Variants in HERC2 observed in about 807,000 individuals in gnomAD.
HERC2 encodes the protein E3 ubiquitin-protein ligase HERC2.
A neutral mutation model predicts 537.7 loss-of-function variants in HERC2; 102 were observed. The observed-to-expected ratio is 0.19, with a 90% CI of 0.16 to 0.22. The LOEUF (loss-of-function observed/expected upper bound fraction) is 0.22, where lower values mean the gene tolerates loss of function less well. HERC2 is among the 10% of genes least tolerant of loss of function. The pLI is 1.00. For missense variants in HERC2, 4,236 were observed against 6,198.2 expected (o/e 0.68, Z 10.63); for synonymous variants, 2,224 against 2,466.2 (o/e 0.90, Z 2.91).
intron 2 of HERC2, among the ~76,000 whole-genome samples, chr15:28,304,725 T>TTTA (rs1209553814): frequency 3.4e-5 from 5 of 145,486 alleles, no homozygotes; most frequent in African/African-American, 1.1e-4. Flanking sequence ...TTTTTTTTTT[T>TTTA]ATACTTTAAG....
In HERC2 at chr15:28,116,807, G is replaced by T. The variant is rs1435080148; in HGVS notation, c.13467C>A (p.Ile4489=). 6.2e-7 allele frequency: 1 copy of T among 1,613,766 alleles called. No homozygotes were observed. The highest frequency in any genetic ancestry group is 8.5e-7 in the Non-Finnish European group (1 of 1,180,022). Residue 4489 remains isoleucine (I), a synonymous_variant, in exon 88 of 93, where the codon ATC becomes ATA. Transcript: ENST00000261609. The part of the protein sequence containing the change: ...GGGYSESIAE[I]CEELQNGLTP... ...TGAGTCCGTTCTGCAGCTCCTCACA[G>T]ATCTCAGCTATGGACTCGCTGTAGC...
chr15:28,278,839 T>TGCCAGAAG lies in HERC2; in HGVS notation c.542+1228_542+1229insCTTCTGGC, dbSNP rs910738495. Among the ~76,000 whole-genome samples, 599 of 152,340 alleles carry TGCCAGAAG rather than the reference T, an allele frequency of 3.9e-3. 4 individuals carry two copies. Among genetic ancestry groups the TGCCAGAAG allele is most frequent in the African/African-American group, 0.014 (568 of 41,574 alleles). ...AAATATAAGTTTCATCTGGCAGTCT[T>TGCCAGAAG]GTAGTTTAACCTTCTGAGGACAAAA... On this transcript the variant is annotated intron_variant, in intron 5 of 92. Coordinates refer to ENST00000261609, the MANE Select transcript of HERC2 (RefSeq NM_004667.6).
intron 20 of HERC2, among the ~76,000 whole-genome samples, chr15:28,252,777 G>C (rs1448660129): frequency 6.6e-6 from 1 of 152,252 alleles, no homozygotes; most frequent in South Asian, 2.1e-4. Flanking sequence ...ATCAGAAAAA[G>C]GTTTTGCAAA....
chr15:28,239,137 T>C (rs1056349973), intron 23 of HERC2, among the ~76,000 whole-genome samples: 14 of 152,174 alleles, frequency 9.2e-5, no homozygotes, highest in African/African-American at 3.4e-4. Flanking sequence ...ATTTGAAAAT[T>C]ATAAAATACA....
chr15:28,313,192 A>ATT (rs57465951), intron 2 of HERC2, among the ~76,000 whole-genome samples: 3,966 of 94,468 alleles, frequency 0.042, 76 homozygotes, highest in East Asian at 0.19. Flanking sequence ...CAGTTAAGGC[A>ATT]TTTTTTTTTT....
intron 3 of HERC2, among the ~76,000 whole-genome samples, chr15:28,297,462 A>G (rs2141180278): frequency 6.6e-6 from 1 of 152,286 alleles, no homozygotes; most frequent in African/African-American, 2.4e-5. Flanking sequence ...TTGACATGGA[A>G]AAGAGATTTA....
At position 28,124,081 on chromosome 15, in the gene HERC2, C is replaced by T; in HGVS notation, c.13144G>A (p.Val4382Ile). 6.2e-7 allele frequency: 1 copy of T among 1,607,842 alleles called. No homozygotes were observed. The highest frequency in any genetic ancestry group is 8.5e-7 in the Non-Finnish European group (1 of 1,177,000). ...ATTCCTCGGAGAGTGTCGAACCCAACAGAAGGCCCGAGTCCAGTTTCGTCG... is the reference window on the plus strand; with the variant it reads ...ATTCCTCGGAGAGTGTCGAACCCAATAGAAGGCCCGAGTCCAGTTTCGTCG... ...SLDETGLGPS[V>I]GFDTLRGILI... Residue 4382 changes from valine (V) to isoleucine (I), a missense_variant, in exon 85 of 93, where the codon GTT (valine) becomes ATT (isoleucine). Around this residue, in one of 27 missense-constraint regions of HERC2, gnomAD observed 189 missense variants for 255.7 expected, o/e 0.74. Coordinates refer to ENST00000261609, the MANE Select transcript of HERC2 (RefSeq NM_004667.6).
chr15:28,289,259 T>C (rs2076245682), intron 4 of HERC2, among the ~76,000 whole-genome samples: 1 of 152,074 alleles, frequency 6.6e-6, no homozygotes, highest in Admixed American at 6.6e-5. Context: ...AAGCTAAACT[T>C]GGCAAACACA....
chr15:28,284,507 C>T (rs1596388214), intron 4 of HERC2, among the ~76,000 whole-genome samples: 1 of 151,566 alleles, frequency 6.6e-6, no homozygotes, highest in East Asian at 1.9e-4. Context: ...AAGAAAGTGA[C>T]TTCAAACAGG....
intron 4 of HERC2, among the ~76,000 whole-genome samples, chr15:28,281,138 C>T (rs900611583): frequency 6.6e-6 from 1 of 152,122 alleles, no homozygotes; most frequent in Admixed American, 6.6e-5. Flanking sequence ...AATACACATT[C>T]TAACTAGTGA....
intron 69 of HERC2, among the ~76,000 whole-genome samples, chr15:28,160,549 C>A (rs991096659): frequency 1.3e-5 from 2 of 152,250 alleles, no homozygotes; most frequent in African/African-American, 2.4e-5. Flanking sequence ...GAGATATAAT[C>A]TCCTGGTGTG....
At chr15:28,208,051 A>C (rs1275010175) in intron 44 of HERC2, among the ~76,000 whole-genome samples, 3 of 152,232 alleles carry the variant, frequency 2.0e-5, no homozygotes, top group African/African-American at 7.2e-5. Context: ...GCAGAACAGA[A>C]CAGCCAATCC....
At chr15:28,145,668 G>C (rs985886377) in intron 71 of HERC2, among the ~76,000 whole-genome samples, 1 of 152,124 alleles carries the variant, frequency 6.6e-6, no homozygotes, top group Non-Finnish European at 1.5e-5. Flanking sequence ...CCCTTTACAG[G>C]AAACACTCGA....
At chr15:28,303,934 G>A (rs1353913490) in intron 2 of HERC2, among the ~76,000 whole-genome samples, 2 of 152,164 alleles carry the variant, frequency 1.3e-5, no homozygotes, top group Non-Finnish European at 2.9e-5. Context: ...GGGAGGCCAA[G>A]GCAGGCGGAT....
Position 28,274,955 on chromosome 15 carries a change from C to A in HERC2, c.593G>T (p.Arg198Leu). The A allele has an allele frequency of 1.2e-6, 2 of 1,610,270 alleles. No individual in the cohort carries two copies. The highest frequency in any genetic ancestry group is 8.5e-7 in the Non-Finnish European group (1 of 1,179,984). The change falls in exon 6 of 93, where the codon CGA becomes CTA. Residue 198 changes from arginine (R) to leucine (L), a missense_variant. Around this residue, in one of 27 missense-constraint regions of HERC2, gnomAD observed 491 missense variants for 559.3 expected, o/e 0.88. Transcript: ENST00000261609. ...GVEGLARVGS[R>L]AALSFAFAFL... Reference sequence around the variant, plus strand: ...GGCAAAGGCAAAAGACAGCGCCGCTCGGGATCCCACTCTGGCGAGCCCCTC... The same window carrying A: ...GGCAAAGGCAAAAGACAGCGCCGCTAGGGATCCCACTCTGGCGAGCCCCTC...
chr15:28,166,788 G>A (rs906958846), intron 68 of HERC2, among the ~76,000 whole-genome samples: 2 of 152,138 alleles, frequency 1.3e-5, no homozygotes, highest in Non-Finnish European at 2.9e-5. Flanking sequence ...CCAGTCCACG[G>A]GAGTCCCAGT....
intron 78 of HERC2, among the ~76,000 whole-genome samples, chr15:28,139,158 A>T (rs563800808): frequency 2.0e-5 from 3 of 152,262 alleles, no homozygotes; most frequent in African/African-American, 7.2e-5. Flanking sequence ...CCAAGCCTGC[A>T]TATCTCCAAG....
chr15:28,178,766 T>C, intron 59 of HERC2, 121 bp downstream of exon 59: 1 of 1,125,042 alleles, frequency 8.9e-7, no homozygotes, highest in Admixed American at 2.6e-5. Flanking sequence ...CATTATCCAA[T>C]TTTTATTCCT....
At position 28,321,735 on chromosome 15, in the gene HERC2, G is replaced by A. The variant is rs1441012082; in HGVS notation, c.-31-271C>T. On this transcript the variant is annotated intron_variant, in intron 1 of 92. Coordinates refer to ENST00000261609, the MANE Select transcript of HERC2 (RefSeq NM_004667.6). ...AGAATGGACGGTCACAGGAAGCCAAGTCACAATGTCATCCCCCTGCCCTCA... is the reference window on the plus strand; with the variant it reads ...AGAATGGACGGTCACAGGAAGCCAAATCACAATGTCATCCCCCTGCCCTCA... 5.3e-5 allele frequency among the ~76,000 whole-genome samples: 7 copies of A among 132,854 alleles called. 1 individual carries two copies. Among genetic ancestry groups the A allele is most frequent in the Admixed American group, 1.4e-4 (2 of 13,940 alleles). 87.2% of individuals were successfully genotyped at this position (132,854 alleles called of 152,430 possible).
Sources: allele counts gnomAD v4.1 joint callset (sites outside exome capture counted in the v4.1 genomes callset), GRCh38; gene constraint gnomAD v4.1.1; regional missense constraint gnomAD v4.1.1; transcripts MANE v1.5; gene names NCBI Gene and HGNC (gene_info 2026-07-23, HGNC 2026-07-21).